The following PPM1H variants were observed in gnomAD, a reference collection of about 807,000 sequenced individuals.
PPM1H encodes protein phosphatase, Mg2+/Mn2+ dependent 1H.
In PPM1H, 27 loss-of-function variants were observed where a neutral mutation model predicts 54.9. The observed-to-expected ratio is 0.49, with a 90% CI of 0.36 to 0.68. PPM1H has a LOEUF of 0.68. PPM1H is among the 30% of genes least tolerant of loss of function. PPM1H has a pLI of 0.00. For missense variants in PPM1H, 596 were observed against 667.8 expected (o/e 0.89, Z 1.19); for synonymous variants, 305 against 270.8 (o/e 1.13, Z -1.24).
At chr12:62,667,096 G>A in intron 9 of PPM1H, 82 bp downstream of exon 9, 1 of 1,418,822 alleles carries the variant, frequency 7.0e-7, no homozygotes, top group Non-Finnish European at 9.7e-7. Flanking sequence ...CATGAATTAT[G>A]AAAATTGCAT....
intron 2 of PPM1H, among the ~76,000 whole-genome samples, chr12:62,805,598 A>T (rs1207503510): frequency 6.6e-6 from 1 of 152,226 alleles, no homozygotes; most frequent in African/African-American, 2.4e-5. Context: ...TAAACCAGAC[A>T]CAGAAAGACA....
At chr12:62,763,424 A>G (rs1321002977) in intron 4 of PPM1H, among the ~76,000 whole-genome samples, 1 of 152,234 alleles carries the variant, frequency 6.6e-6, no homozygotes, top group African/African-American at 2.4e-5. Context: ...GGGCATCAGG[A>G]GCAGAGGTCC....
At chr12:62,874,074 G>A (rs574879800) in intron 1 of PPM1H, among the ~76,000 whole-genome samples, 1 of 152,280 alleles carries the variant, frequency 6.6e-6, no homozygotes, top group African/African-American at 2.4e-5. Flanking sequence ...TCCACAGGCA[G>A]ATCATGAGCC....
chr12:62,666,100 C>T (rs1213919319), intron 9 of PPM1H, among the ~76,000 whole-genome samples: 2 of 151,974 alleles, frequency 1.3e-5, no homozygotes, highest in Admixed American at 1.3e-4. Context: ...TGTTTTGAGA[C>T]CGAGTCTTCC....
At chr12:62,878,624 C>A (rs1185343806) in intron 1 of PPM1H, among the ~76,000 whole-genome samples, 4 of 59,662 alleles carry the variant, frequency 6.7e-5, no homozygotes, top group Non-Finnish European at 1.1e-4. Context: ...AATGATTACG[C>A]TTAAAAAAAA....
intron 2 of PPM1H, among the ~76,000 whole-genome samples, chr12:62,825,380 C>T (rs1006592501): frequency 1.4e-4 from 21 of 152,214 alleles, no homozygotes; most frequent in South Asian, 2.1e-4. Context: ...ATCCCATTAC[C>T]GGGTATATAC....
At chr12:62,739,932 C>T (rs1479664815) in intron 4 of PPM1H, among the ~76,000 whole-genome samples, 2 of 152,158 alleles carry the variant, frequency 1.3e-5, no homozygotes, top group African/African-American at 4.8e-5. Flanking sequence ...TCTTCCTGAC[C>T]GGAGCTCCTC....
intron 8 of PPM1H, among the ~76,000 whole-genome samples, chr12:62,674,692 C>T (rs1419950700): frequency 6.6e-6 from 1 of 152,230 alleles, no homozygotes. Flanking sequence ...AGACCATCTG[C>T]TGGGAACACC....
At chr12:62,776,971 C>A (rs1301702011) in intron 4 of PPM1H, among the ~76,000 whole-genome samples, 1 of 152,146 alleles carries the variant, frequency 6.6e-6, no homozygotes, top group Non-Finnish European at 1.5e-5. Context: ...CTTCATAAAC[C>A]ATTGTCTGTT....
intron 2 of PPM1H, among the ~76,000 whole-genome samples, chr12:62,828,362 C>A (rs1334081414): frequency 1.3e-5 from 2 of 152,220 alleles, no homozygotes; most frequent in African/African-American, 4.8e-5. Flanking sequence ...AGACCTCCTT[C>A]CTAAACCCTG....
intron 5 of PPM1H, among the ~76,000 whole-genome samples, chr12:62,735,117 C>T (rs2076343670): frequency 6.6e-6 from 1 of 152,076 alleles, no homozygotes; most frequent in South Asian, 2.1e-4. Flanking sequence ...AGGCTTCATA[C>T]CCTGCTGTGA....
In PPM1H at chr12:62,861,576, A is replaced by T. The variant is rs369769610; in HGVS notation, c.246-29297T>A. Among the ~76,000 whole-genome samples the T allele has an allele frequency of 2.2e-4, 33 of 152,348 alleles. 1 individual carries two copies. In the East Asian group the frequency reaches 4.2e-3, roughly 20 times the overall value. Reference sequence around the variant, plus strand: ...TTGCACACTTTGTATATTCAAATACATGTCTTATTCTCCATTTTACTCCCA... The same window carrying T: ...TTGCACACTTTGTATATTCAAATACTTGTCTTATTCTCCATTTTACTCCCA... On this transcript the variant is annotated intron_variant, in intron 1 of 9. Coordinates refer to ENST00000228705, the MANE Select transcript of PPM1H (RefSeq NM_020700.2).
chr12:62,650,782 C>T (rs567879959), intron 9 of PPM1H, among the ~76,000 whole-genome samples: 1 of 152,112 alleles, frequency 6.6e-6, no homozygotes, highest in Non-Finnish European at 1.5e-5. Flanking sequence ...AGAACTCACT[C>T]ACTCACTATC....
intron 1 of PPM1H, among the ~76,000 whole-genome samples, chr12:62,892,058 C>T (rs1038993664): frequency 6.6e-6 from 1 of 152,200 alleles, no homozygotes; most frequent in African/African-American, 2.4e-5. Context: ...ATCACAGAAA[C>T]TTTTCACAGC....
chr12:62,871,190 C>G (rs757561775), intron 1 of PPM1H, among the ~76,000 whole-genome samples: 4 of 151,870 alleles, frequency 2.6e-5, no homozygotes, highest in South Asian at 2.1e-4. Context: ...TATATCCATA[C>G]AATGGAATAT....
intron 8 of PPM1H, among the ~76,000 whole-genome samples, chr12:62,686,744 C>T (rs993951410): frequency 6.6e-6 from 1 of 152,218 alleles, no homozygotes; most frequent in Non-Finnish European, 1.5e-5. Flanking sequence ...GCTGACCTCA[C>T]TTGAAATCCT....
At chr12:62,685,314 G>A (rs745357657) in intron 8 of PPM1H, among the ~76,000 whole-genome samples, 1 of 152,112 alleles carries the variant, frequency 6.6e-6, no homozygotes. Context: ...AAGGTCCCAA[G>A]ACAAAGTTGC....
At chr12:62,864,252 G>A (rs1043805665) in intron 1 of PPM1H, among the ~76,000 whole-genome samples, 20 of 152,304 alleles carry the variant, frequency 1.3e-4, no homozygotes, top group African/African-American at 4.1e-4. Context: ...GAAGGTGGGC[G>A]CTTCTACAAA....
intron 4 of PPM1H, 31 bp from the exon 5 acceptor site, chr12:62,737,617 C>T (rs1189682877): frequency 7.2e-7 from 1 of 1,397,194 alleles, no homozygotes; most frequent in Non-Finnish European, 9.9e-7. Context: ...TGTCAGTAGC[C>T]AATCTCATAA....
Sources: allele counts gnomAD v4.1 joint callset (sites outside exome capture counted in the v4.1 genomes callset), GRCh38; gene constraint gnomAD v4.1.1; transcripts MANE v1.5; gene names NCBI Gene and HGNC (gene_info 2026-07-23, HGNC 2026-07-21).